Variants in VSTM2B observed in about 807,000 individuals in gnomAD.
VSTM2B encodes the protein V-set and transmembrane domain-containing protein 2B.
In VSTM2B, 24 loss-of-function variants were observed where a neutral mutation model predicts 24.0. The ratio of observed to expected loss-of-function variants is 1.00; its 90% CI spans 0.72 to 1.40. The LOEUF (loss-of-function observed/expected upper bound fraction) is 1.40, where lower values mean the gene tolerates loss of function less well. VSTM2B is among the 40% of genes most tolerant of loss of function. The pLI is 0.00. For missense variants in VSTM2B, 399 were observed against 416.4 expected, an observed-to-expected ratio of 0.96 and a Z score of 0.36; for synonymous variants, 226 against 194.4, an observed-to-expected ratio of 1.16 and a Z score of -1.35.
In VSTM2B at chr19:29,527,360, G is replaced by T. The variant is rs758701416; in HGVS notation, c.232G>T (p.Glu78Ter). ...LKEPPRELLH[E>*]LALSVPGARS... Reference sequence around the variant, plus strand: ...GGAGCCACCCCGGGAGCTGCTGCACGAGCTGGCGCTCAGCGTGCCGGGCGC... The same window carrying T: ...GGAGCCACCCCGGGAGCTGCTGCACTAGCTGGCGCTCAGCGTGCCGGGCGC... The change falls in exon 2 of 5, where the codon GAG becomes TAG. Residue 78 changes from glutamate to a stop codon, truncating the protein, a stop_gained. Transcript: ENST00000335523. LOFTEE classifies it high-confidence loss of function. 1.3e-6 allele frequency: 2 copies of T among 1,544,578 alleles called. No homozygotes were observed. Among genetic ancestry groups the T allele is most frequent in the East Asian group, 2.5e-5 (1 of 40,502 alleles).
chr19:29,550,747 A>T (rs1398123019), intron 4 of VSTM2B, among the ~76,000 whole-genome samples: 2 of 152,090 alleles, frequency 1.3e-5, no homozygotes, highest in Admixed American at 6.6e-5. Flanking sequence ...AGGCTGCAAG[A>T]GCCAGACCAG....
chr19:29,540,616 C>T (rs967690905), intron 4 of VSTM2B, among the ~76,000 whole-genome samples: 4 of 152,254 alleles, frequency 2.6e-5, no homozygotes, highest in Non-Finnish European at 5.9e-5. Flanking sequence ...TGTTTCCCCA[C>T]TGTCCTATAT....
intron 4 of VSTM2B, among the ~76,000 whole-genome samples, chr19:29,542,689 G>A (rs2145487288): frequency 6.6e-6 from 1 of 152,262 alleles, no homozygotes; most frequent in South Asian, 2.1e-4. Flanking sequence ...GTGGATGGGT[G>A]AATGGAGAGT....
chr19:29,557,379 C>T (rs1970434245), intron 4 of VSTM2B, among the ~76,000 whole-genome samples: 1 of 152,160 alleles, frequency 6.6e-6, no homozygotes, highest in Non-Finnish European at 1.5e-5. Flanking sequence ...ACACCTTATA[C>T]AATAATTAAC....
intron 4 of VSTM2B, among the ~76,000 whole-genome samples, chr19:29,554,980 C>G (rs750966618): frequency 5.5e-4 from 84 of 152,048 alleles, no homozygotes; most frequent in Non-Finnish European, 1.3e-4. Context: ...ACTTTAACAC[C>G]CCATTGTCAA....
chr19:29,528,345 G>A (rs1187235127), intron 2 of VSTM2B, 88 bp from the exon 3 acceptor site: 1 of 1,526,194 alleles, frequency 6.6e-7, no homozygotes. Flanking sequence ...CCTGCCGGAG[G>A]AGGGTGCCCT....
chr19:29,534,322 C>T (rs1969834139), intron 4 of VSTM2B, among the ~76,000 whole-genome samples: 1 of 152,182 alleles, frequency 6.6e-6, no homozygotes, highest in South Asian at 2.1e-4. Context: ...CCTCCTGGAA[C>T]CTGAAGGCAG....
At position 29,526,390 on chromosome 19, in the gene VSTM2B, C is replaced by A. The variant is rs1969564957; in HGVS notation, c.-194C>A. 2 of 205,008 alleles carry A rather than the reference C, an allele frequency of 9.8e-6. No individual in the cohort carries two copies. Among genetic ancestry groups the A allele is most frequent in the Admixed American group, 5.9e-5 (1 of 16,898 alleles). The allele number at this position is 205,008 out of a possible 1,614,324, so 12.7% of individuals were successfully genotyped here. ...CCTGCACACCCCGCGCAGCGCCCCCCGCCGGAGCCGCACCGGGCAAGCCGG... is the reference window on the plus strand; with the variant it reads ...CCTGCACACCCCGCGCAGCGCCCCCAGCCGGAGCCGCACCGGGCAAGCCGG... On this transcript the variant is annotated 5_prime_UTR_variant, in exon 1 of 5. Transcript: ENST00000335523. This position sits in a 1 kb window ranked among gnomAD's most constrained non-coding sequence, Gnocchi z 4.1.
At chr19:29,540,417 G>A (rs146230299) in intron 4 of VSTM2B, among the ~76,000 whole-genome samples, 106 of 152,374 alleles carry the variant, frequency 7.0e-4, no homozygotes, top group Non-Finnish European at 1.4e-3. Context: ...GCCAGGGTGG[G>A]CTGGTAGTTG....
At chr19:29,557,147 A>G (rs2049043359) in intron 4 of VSTM2B, among the ~76,000 whole-genome samples, 1 of 152,056 alleles carries the variant, frequency 6.6e-6, no homozygotes, top group South Asian at 2.1e-4. Context: ...ACAGGGCTAC[A>G]GTAACCAAAC....
intron 4 of VSTM2B, among the ~76,000 whole-genome samples, chr19:29,559,688 GA>G (rs1970485943): frequency 6.6e-6 from 1 of 152,124 alleles, no homozygotes; most frequent in Non-Finnish European, 1.5e-5. Context: ...TTCCTCTTGA[GA>G]GAAGGAAATC....
At position 29,563,859 on chromosome 19, in the gene VSTM2B, C is replaced by T; in HGVS notation, c.783C>T (p.Ser261=). ...CATCCCCTGCAGGCACCGGCCGTAG[C>T]TACACCACAGACCCACTCTTGTCCC... ...RQRHGSGTGR[S]YTTDPLLSLL... The change falls in exon 5 of 5, where the codon AGC becomes AGT. Residue 261 remains serine (S), a synonymous_variant. Coordinates refer to ENST00000335523, the MANE Select transcript of VSTM2B (RefSeq NM_001146339.2). The T allele has an allele frequency of 6.4e-7, 1 of 1,552,310 alleles. No homozygotes were observed.
intron 4 of VSTM2B, among the ~76,000 whole-genome samples, chr19:29,539,308 G>A (rs77503640): frequency 0.01 from 1,551 of 152,232 alleles, 29 homozygotes; most frequent in African/African-American, 0.036. Context: ...TGCCAGTGGC[G>A]CGGGCACTGT....
chr19:29,549,846 A>G (rs1247558202), intron 4 of VSTM2B, among the ~76,000 whole-genome samples: 2 of 152,224 alleles, frequency 1.3e-5, no homozygotes, highest in East Asian at 3.9e-4. Flanking sequence ...CAGCTGGGGC[A>G]TGGCCTTCTG....
At chr19:29,529,697 G>A (rs1372673045) in intron 3 of VSTM2B, 122 bp from the exon 4 acceptor site, 1 of 994,868 alleles carries the variant, frequency 1.0e-6, no homozygotes, top group Non-Finnish European at 1.5e-6. Flanking sequence ...GATCGTGATG[G>A]TGGGCAAACC....
At chr19:29,557,022 T>TAA (rs535263205) in intron 4 of VSTM2B, among the ~76,000 whole-genome samples, 2 of 151,932 alleles carry the variant, frequency 1.3e-5, no homozygotes, top group Admixed American at 1.3e-4. Context: ...CACAGAATCA[T>TAA]AAAAAAAACT....
Position 29,557,492 on chromosome 19 carries a change from G to A in VSTM2B, c.770-6354G>A, listed in dbSNP as rs555706259. Among the ~76,000 whole-genome samples, 3 of 152,290 alleles carry A rather than the reference G, an allele frequency of 2.0e-5. No individual in the cohort carries two copies. In the East Asian group the frequency reaches 5.8e-4, roughly 29 times the overall value. Reference sequence around the variant, plus strand: ...GTGGGTGGATCACCTGAGGTCAGGAGTTCAAGACCAGCCCGACCAACATGG... The same window carrying A: ...GTGGGTGGATCACCTGAGGTCAGGAATTCAAGACCAGCCCGACCAACATGG... On this transcript the variant is annotated intron_variant, in intron 4 of 4. Coordinates refer to ENST00000335523, the MANE Select transcript of VSTM2B (RefSeq NM_001146339.2).
Position 29,526,850 on chromosome 19 carries a change from C to A in VSTM2B, c.82+185C>A, listed in dbSNP as rs894454794. On this transcript the variant is annotated intron_variant, in intron 1 of 4. Coordinates refer to ENST00000335523, the MANE Select transcript of VSTM2B (RefSeq NM_001146339.2). The surrounding 1 kb of genome is among the most constrained non-coding windows in gnomAD (Gnocchi z 4.1). ...AAGGGTCGCCGCAGCAGCAGCGCCG[C>A]GCCCGAGTCGTTCCCAGTCCCGCCG... 1.8e-6 allele frequency: 1 copy of A among 546,490 alleles called. No individual in the cohort carries two copies. Among genetic ancestry groups the A allele is most frequent in the Non-Finnish European group, 3.0e-6 (1 of 327,898 alleles). 33.9% of individuals were successfully genotyped at this position (546,490 alleles called of 1,614,324 possible).
chr19:29,560,443 CA>C (rs1599911506), intron 4 of VSTM2B, among the ~76,000 whole-genome samples: 1 of 152,214 alleles, frequency 6.6e-6, no homozygotes, highest in East Asian at 1.9e-4. Context: ...CCCATCTCTC[CA>C]GTGCCAGCCC....
Sources: gnomAD v4.1 joint callset for allele counts (sites outside exome capture counted in the v4.1 genomes callset) on GRCh38, gnomAD v4.1.1 for gene constraint, Gnocchi (gnomAD v3.1) non-coding constraint, MANE v1.5 for transcripts, NCBI Gene and HGNC (gene_info 2026-07-23, HGNC 2026-07-21) for gene names.